The following MID2 variants were observed in gnomAD, a reference collection of about 807,000 sequenced individuals.
MID2 encodes the protein probable E3 ubiquitin-protein ligase MID2.
MID2 carries 13 observed loss-of-function variants against 46.1 expected under a neutral mutation model. That is an observed-to-expected ratio of 0.28 (90% CI 0.18 to 0.45). The LOEUF (loss-of-function observed/expected upper bound fraction) is 0.45, where lower values mean the gene tolerates loss of function less well. MID2 is among the 20% of genes least tolerant of loss of function. The pLI is 1.00. For synonymous variants in MID2, 199 were observed against 212.3 expected, an observed-to-expected ratio of 0.94 and a Z score of 0.55; for missense variants, 431 against 575.4, an observed-to-expected ratio of 0.75 and a Z score of 2.57.
intron 4 of MID2, among the ~76,000 whole-genome samples, chrX:107,904,754 GAAGA>G (rs753744765): frequency 8.9e-6 from 1 of 111,997 alleles, no homozygotes; most frequent in South Asian, 3.8e-4. Flanking sequence ...CCTGGGAACT[GAAGA>G]ATCATGATCA....
chrX:107,864,756 A>T (rs764146951), intron 3 of MID2, among the ~76,000 whole-genome samples: 12 of 112,153 alleles, frequency 1.1e-4, no homozygotes, highest in African/African-American at 3.9e-4. Flanking sequence ...GAGTGAATGC[A>T]TTGCTATTAT....
At chrX:107,908,890 C>T (rs1334247783) in intron 5 of MID2, among the ~76,000 whole-genome samples, 1 of 111,097 alleles carries the variant, frequency 9.0e-6, no homozygotes, top group Non-Finnish European at 1.9e-5. Flanking sequence ...TTTAGCCTTT[C>T]CTCTAGCTTT....
chrX:107,840,589 G>A (rs1009744259), intron 1 of MID2, 81 bp from the exon 2 acceptor site: 9 of 775,591 alleles, frequency 1.2e-5, no homozygotes, highest in South Asian at 1.0e-4. Context: ...ACGTAAACGC[G>A]CCCATTGGTT....
intron 3 of MID2, among the ~76,000 whole-genome samples, chrX:107,899,796 G>A (rs750146210): frequency 2.7e-5 from 3 of 111,549 alleles, no homozygotes; most frequent in South Asian, 7.7e-4. Context: ...CTAATACAAA[G>A]AGCGAATGTC....
chrX:107,919,278 G>A (rs1933025491), intron 7 of MID2, among the ~76,000 whole-genome samples: 1 of 111,518 alleles, frequency 9.0e-6, no homozygotes, highest in Admixed American at 9.6e-5. Flanking sequence ...CTTATAAAAT[G>A]TTATTAACTC....
chrX:107,873,013 C>T (rs1932110175), intron 3 of MID2, among the ~76,000 whole-genome samples: 1 of 110,827 alleles, frequency 9.0e-6, no homozygotes, highest in Non-Finnish European at 1.9e-5. Context: ...TCTTTTCTAC[C>T]TTTCCTGAGG....
intron 7 of MID2, among the ~76,000 whole-genome samples, chrX:107,922,356 C>A (rs1182763413): frequency 8.9e-6 from 1 of 112,247 alleles, no homozygotes; most frequent in Admixed American, 9.4e-5. Context: ...TTCCTCCCAC[C>A]CCCACTACAT....
At chrX:107,916,394 T>A (rs12851877) in intron 6 of MID2, among the ~76,000 whole-genome samples, 1 of 112,259 alleles carries the variant, frequency 8.9e-6, no homozygotes, top group African/African-American at 3.2e-5. Context: ...GATAGATTTG[T>A]CCTTATGAAT....
chrX:107,895,051 C>T (rs1180667559), intron 3 of MID2: 1 of 110,677 alleles, frequency 9.0e-6, no homozygotes, highest in African/African-American at 3.3e-5. Context: ...TAAAATAATA[C>T]AGAGAGTTCC....
rs1317391159 is a variant in MID2, at chrX:107,858,969, G to A, written c.816+4265G>A. Among the ~76,000 whole-genome samples, 6 of 111,709 alleles carry A rather than the reference G, an allele frequency of 5.4e-5. No homozygotes were observed. The Admixed American group carries it at 5.7e-4, about 11-fold the overall frequency. ...GAAAGAAAGGAGATGAGTTGGAAGA[G>A]AGGGAGAGGTTTCCCTTAGTCTGGG... On this transcript the variant is annotated intron_variant, in intron 3 of 9. Coordinates refer to ENST00000262843, the MANE Select transcript of MID2 (RefSeq NM_012216.4).
Position 107,917,605 on chromosome X carries a change from A to G in MID2, c.1301A>G (p.Tyr434Cys). Residue 434 changes from tyrosine to cysteine, a missense_variant, in exon 7 of 10, where the codon TAT becomes TGT. Coordinates refer to ENST00000262843, the MANE Select transcript of MID2 (RefSeq NM_012216.4). ...GATGATGAGTTCAGCATCAGCTCCT[A>G]TGAGCTTCAGTACACCATATTCACT... The part of the protein sequence containing the change: ...ISDDEFSISS[Y>C]ELQYTIFTGQ... 3 of 1,211,479 alleles carry G rather than the reference A, an allele frequency of 2.5e-6. No homozygotes were observed. The highest frequency in any genetic ancestry group is 3.4e-6 in the Non-Finnish European group (3 of 895,251).
intron 4 of MID2, 39 bp downstream of exon 4, chrX:107,904,104 A>T (rs1235114089): frequency 1.1e-6 from 1 of 929,193 alleles, no homozygotes; most frequent in Non-Finnish European, 1.6e-6. Flanking sequence ...GGAAGGGTTG[A>T]CTTTACAAAT....
chrX:107,864,082 A>G (rs931150121), intron 3 of MID2, among the ~76,000 whole-genome samples: 1 of 112,471 alleles, frequency 8.9e-6, no homozygotes, highest in Non-Finnish European at 1.9e-5. Context: ...CTCACTCCAA[A>G]GTCTATGTTC....
rs758472229 is a variant in MID2, at chrX:107,837,833, T to A, written c.5-2837T>A. Among the ~76,000 whole-genome samples, 4 of 112,172 alleles carry A rather than the reference T, an allele frequency of 3.6e-5. No homozygotes were observed. In the East Asian group the frequency reaches 1.1e-3, roughly 31 times the overall value. The stretch of plus-strand genomic sequence containing the variant: ...AAGTTTCCTGAAAGAATTAGTGAAA[T>A]AATGTGTAAAGTGCTTAACATAGTA... On this transcript the variant is annotated intron_variant, in intron 1 of 9. Coordinates refer to ENST00000262843, the MANE Select transcript of MID2 (RefSeq NM_012216.4).
At chrX:107,856,359 T>A (rs1346866942) in intron 3 of MID2, among the ~76,000 whole-genome samples, 1 of 111,991 alleles carries the variant, frequency 8.9e-6, no homozygotes, top group Non-Finnish European at 1.9e-5. Context: ...TCCCTTGATT[T>A]AGAATTTGCA....
chrX:107,899,371 T>C (rs1194821790), intron 3 of MID2, among the ~76,000 whole-genome samples: 1 of 110,849 alleles, frequency 9.0e-6, no homozygotes, highest in Non-Finnish European at 1.9e-5. Context: ...TATTGAACAG[T>C]GGTAAAGTCC....
chrX:107,829,677 C>T (rs180698921), intron 1 of MID2, among the ~76,000 whole-genome samples: 3 of 111,670 alleles, frequency 2.7e-5, no homozygotes, highest in South Asian at 3.8e-4. Flanking sequence ...GCTTGTTCCA[C>T]GCCAAACTCC....
intron 2 of MID2, among the ~76,000 whole-genome samples, chrX:107,846,968 G>A (rs1444742272): frequency 8.9e-6 from 1 of 111,743 alleles, no homozygotes; most frequent in Admixed American, 9.5e-5. Context: ...ATATAATATA[G>A]GTGAGGAAAG....
At chrX:107,836,537 C>T (rs1177191022) in intron 1 of MID2, among the ~76,000 whole-genome samples, 1 of 110,173 alleles carries the variant, frequency 9.1e-6, no homozygotes, top group Non-Finnish European at 1.9e-5. Flanking sequence ...AGGCGTGAGC[C>T]ACCACGCCCA....
Sources: allele counts gnomAD v4.1 joint callset (sites outside exome capture counted in the v4.1 genomes callset), GRCh38; gene constraint gnomAD v4.1.1; transcripts MANE v1.5; gene names NCBI Gene and HGNC (gene_info 2026-07-23, HGNC 2026-07-21).